LRRTM4: variants seen among roughly 807,000 people sequenced by gnomAD.
LRRTM4 encodes leucine-rich repeat transmembrane neuronal protein 4.
In LRRTM4, 25 loss-of-function variants were observed where a neutral mutation model predicts 47.6. The observed-to-expected ratio is 0.53, with a 90% CI of 0.38 to 0.73. The LOEUF (loss-of-function observed/expected upper bound fraction) is 0.73, where lower values mean the gene tolerates loss of function less well. Ranked by LOEUF, LRRTM4 falls within the 30% of genes least tolerant of loss-of-function variation. The pLI, the probability that LRRTM4 is intolerant of heterozygous loss-of-function variation, is 0.00. For synonymous variants in LRRTM4, 311 were observed against 269.5 expected (o/e 1.15, Z -1.51); for missense variants, 638 against 713.4 (o/e 0.89, Z 1.20).
At chr2:77,324,648 G>A (rs1670690518) in intron 3 of LRRTM4, among the ~76,000 whole-genome samples, 3 of 152,218 alleles carry the variant, frequency 2.0e-5, no homozygotes, top group African/African-American at 4.8e-5. Flanking sequence ...AATTTATATG[G>A]TTAGTGAAGT....
chr2:77,242,413 CAT>C (rs764090519), intron 3 of LRRTM4, among the ~76,000 whole-genome samples: 14 of 152,082 alleles, frequency 9.2e-5, no homozygotes, highest in Non-Finnish European at 1.9e-4. Context: ...GTTCACAAAT[CAT>C]ATATCCGATA....
chr2:76,911,948 G>GGGC (rs1674078282), intron 3 of LRRTM4, among the ~76,000 whole-genome samples: 1 of 129,588 alleles, frequency 7.7e-6, no homozygotes, highest in Non-Finnish European at 1.7e-5. Context: ...GGGGGGGGGG[G>GGGC]GGACAGAGTC....
intron 3 of LRRTM4, among the ~76,000 whole-genome samples, chr2:76,786,639 A>G (rs1374835484): frequency 6.6e-6 from 1 of 152,138 alleles, no homozygotes; most frequent in Non-Finnish European, 1.5e-5. Context: ...GGTTTTAAAA[A>G]TATCTGTGGG....
chr2:76,754,816 G>A (rs995671303), intron 3 of LRRTM4, among the ~76,000 whole-genome samples: 6 of 152,064 alleles, frequency 3.9e-5, no homozygotes, highest in Non-Finnish European at 5.9e-5. Context: ...CCCTGTGAAC[G>A]TGCTTAGATT....
chr2:77,462,729 A>T (rs1328570473), intron 3 of LRRTM4, among the ~76,000 whole-genome samples: 1 of 152,140 alleles, frequency 6.6e-6, no homozygotes, highest in Admixed American at 6.6e-5. Context: ...AAACGGAAAC[A>T]AAGTAGGTCT....
At chr2:77,119,964 A>G (rs1266126445) in intron 3 of LRRTM4, among the ~76,000 whole-genome samples, 1 of 151,748 alleles carries the variant, frequency 6.6e-6, no homozygotes, top group Non-Finnish European at 1.5e-5. Flanking sequence ...CTGAGTCTCA[A>G]TGCCCTAACA....
intron 3 of LRRTM4, among the ~76,000 whole-genome samples, chr2:77,288,275 A>G (rs1180636654): frequency 6.6e-6 from 1 of 151,722 alleles, no homozygotes; most frequent in East Asian, 1.9e-4. Context: ...AAGAAAGTTA[A>G]AAACAAAACA....
At chr2:76,792,967 C>T (rs188188318) in intron 3 of LRRTM4, among the ~76,000 whole-genome samples, 281 of 152,202 alleles carry the variant, frequency 1.8e-3, no homozygotes, top group Non-Finnish European at 2.0e-3. Context: ...GTCTCTGTTA[C>T]TTTGTCTTGA....
At position 76,932,910 on chromosome 2, in the gene LRRTM4, A is replaced by G. The variant is rs1674821222; in HGVS notation, c.1552-183994T>C. Among the ~76,000 whole-genome samples the G allele has an allele frequency of 2.0e-5, 3 of 152,148 alleles. No homozygotes were observed. In the South Asian group the frequency reaches 6.2e-4, roughly 31 times the overall value. On this transcript the variant is annotated intron_variant, in intron 3 of 3. Transcript: ENST00000409884. ...TGCAGAACATGCAGGTTTGTTACAT[A>G]GGTATACACGTGCCATGGTGGTTTG...
intron 3 of LRRTM4, among the ~76,000 whole-genome samples, chr2:77,292,201 G>A (rs1676844339): frequency 2.7e-5 from 4 of 148,128 alleles, no homozygotes; most frequent in Non-Finnish European, 4.5e-5. Context: ...GAAACAACAG[G>A]TGCTGGAGAG....
At chr2:76,897,590 T>A (rs950344401) in intron 3 of LRRTM4, among the ~76,000 whole-genome samples, 1 of 152,148 alleles carries the variant, frequency 6.6e-6, no homozygotes, top group African/African-American at 2.4e-5. Flanking sequence ...TCTCAAATCC[T>A]TAGGCCTTTG....
At chr2:77,418,392 A>G (rs567339142) in intron 3 of LRRTM4, among the ~76,000 whole-genome samples, 1 of 152,320 alleles carries the variant, frequency 6.6e-6, no homozygotes, top group Admixed American at 6.5e-5. Flanking sequence ...TATATCAAAG[A>G]TACCTACAAA....
chr2:76,829,049 C>A (rs1292235371), intron 3 of LRRTM4, among the ~76,000 whole-genome samples: 1 of 151,898 alleles, frequency 6.6e-6, no homozygotes, highest in Non-Finnish European at 1.5e-5. Context: ...GGTATGGAAC[C>A]AAGGGAATGT....
chr2:77,192,753 G>T (rs1013133343), intron 3 of LRRTM4, among the ~76,000 whole-genome samples: 6 of 152,146 alleles, frequency 3.9e-5, no homozygotes, highest in African/African-American at 9.7e-5. Context: ...GTGTCCAGAT[G>T]TGATCTTAAG....
intron 3 of LRRTM4, among the ~76,000 whole-genome samples, chr2:77,419,414 CA>C (rs1674779364): frequency 6.6e-6 from 1 of 152,164 alleles, no homozygotes; most frequent in African/African-American, 2.4e-5. Flanking sequence ...TTATACAAAA[CA>C]GCATAGTATT....
intron 3 of LRRTM4, among the ~76,000 whole-genome samples, chr2:77,337,156 C>T (rs1671197246): frequency 6.6e-6 from 1 of 152,062 alleles, no homozygotes; most frequent in Admixed American, 6.6e-5. Context: ...AAAAGTACAT[C>T]TAACCAAGGA....
At chr2:77,393,933 TTTG>T (rs1040612149) in intron 3 of LRRTM4, among the ~76,000 whole-genome samples, 25 of 152,162 alleles carry the variant, frequency 1.6e-4, no homozygotes, top group African/African-American at 5.1e-4. Flanking sequence ...AACAAAATAA[TTTG>T]TTAGTATTAA....
intron 3 of LRRTM4, among the ~76,000 whole-genome samples, chr2:76,809,002 G>C (rs1670647834): frequency 6.6e-6 from 1 of 152,132 alleles, no homozygotes; most frequent in Non-Finnish European, 1.5e-5. Context: ...TTTTCAAACA[G>C]CTGGGTTTTC....
intron 3 of LRRTM4, among the ~76,000 whole-genome samples, chr2:77,092,147 T>C (rs1178219630): frequency 2.0e-5 from 3 of 152,136 alleles, no homozygotes; most frequent in African/African-American, 4.8e-5. Context: ...ACGCATATAC[T>C]TTCTGCTTCC....
Sources: gnomAD v4.1 joint callset for allele counts (sites outside exome capture counted in the v4.1 genomes callset) on GRCh38, gnomAD v4.1.1 for gene constraint, MANE v1.5 for transcripts, NCBI Gene and HGNC (gene_info 2026-07-23, HGNC 2026-07-21) for gene names.